The following ANKRD30A variants were observed in gnomAD, a reference collection of about 807,000 sequenced individuals.
ANKRD30A encodes ankyrin repeat domain-containing protein 30A.
In ANKRD30A, 170 loss-of-function variants were observed where a neutral mutation model predicts 166.3. The observed-to-expected ratio is 1.02, with a 90% CI of 0.90 to 1.16. The LOEUF (loss-of-function observed/expected upper bound fraction) is 1.16, where lower values mean the gene tolerates loss of function less well. Ranked by LOEUF, ANKRD30A falls within the 50% of genes most tolerant of loss-of-function variation. ANKRD30A has a pLI of 0.00. For missense variants in ANKRD30A, 1,630 were observed against 1,518.0 expected (o/e 1.07, Z -1.23); for synonymous variants, 564 against 508.9 (o/e 1.11, Z -1.46).
At chr10:37,243,081 T>C in the ANKRD30A span, among the ~76,000 whole-genome samples, 1 of 152,172 alleles carries the variant, frequency 6.6e-6, no homozygotes, top group Admixed American at 6.5e-5. Flanking sequence ...GTTTGCTATT[T>C]CTAGGTTATT....
chr10:37,233,369 G>A (rs140361286), downstream of ANKRD30A, among the ~76,000 whole-genome samples: 308 of 152,206 alleles, frequency 2.0e-3, no homozygotes, highest in Non-Finnish European at 3.6e-3. Context: ...ACTGTGAAGT[G>A]TTAGTCATGA....
chr10:37,213,585 G>A (rs902896778), intron 31 of ANKRD30A, among the ~76,000 whole-genome samples: 2 of 145,142 alleles, frequency 1.4e-5, no homozygotes, highest in African/African-American at 2.5e-5. Flanking sequence ...GTTTCTTAAG[G>A]TAAAAGTCAA....
intron 15 of ANKRD30A, among the ~76,000 whole-genome samples, chr10:37,159,721 G>C (rs977902191): frequency 2.6e-5 from 4 of 151,432 alleles, no homozygotes; most frequent in African/African-American, 7.3e-5. Flanking sequence ...TTTTGTTTTT[G>C]TTTTTTTGAG....
chr10:37,129,841 T>A, intron 1 of ANKRD30A, 52 bp from the exon 2 acceptor site: 1 of 1,081,130 alleles, frequency 9.2e-7, no homozygotes, highest in Non-Finnish European at 1.2e-6. Flanking sequence ...ACTCATTGTA[T>A]GTTTTGGGAC....
At chr10:37,243,037 GATAAA>G in the ANKRD30A span, among the ~76,000 whole-genome samples, 3 of 151,930 alleles carry the variant, frequency 2.0e-5, no homozygotes, top group East Asian at 5.8e-4. Flanking sequence ...TGGTAGCAAT[GATAAA>G]ATAGACTAGT....
intron 29 of ANKRD30A, among the ~76,000 whole-genome samples, chr10:37,198,015 C>A (rs1841294047): frequency 6.6e-6 from 1 of 151,676 alleles, no homozygotes; most frequent in Non-Finnish European, 1.5e-5. Context: ...GTAACTTTAC[C>A]TTGTGAAGAT....
Position 37,199,725 on chromosome 10 carries a change from A to T in ANKRD30A, c.2717-2A>T. On this transcript the variant is annotated splice_acceptor_variant, in intron 29 of 35. Transcript: ENST00000361713. LOFTEE classifies it high-confidence loss of function. ...AATGTATCTGTGATTAACCTTTTAT[A>T]GATCAGATGTTCCCTTCAGAATCAA... The T allele has an allele frequency of 1.3e-6, 2 of 1,563,986 alleles. No individual in the cohort carries two copies. Among genetic ancestry groups the T allele is most frequent in the Non-Finnish European group, 1.8e-6 (2 of 1,140,560 alleles).
At chr10:37,243,829 TA>T in the ANKRD30A span, among the ~76,000 whole-genome samples, 6 of 152,110 alleles carry the variant, frequency 3.9e-5, no homozygotes, top group African/African-American at 1.4e-4. Flanking sequence ...AATAAGTAGA[TA>T]TTTTTTCTCA....
chr10:37,132,248 C>A lies in ANKRD30A; in HGVS notation c.519C>A (p.Leu173=). ...AVIEVHNKAS[L]TPLLLSITKR... ...GTTTTGCTATTTTACAGGCTAGCCT[C>A]ACACCACTTTTACTATCCATAACGA... Residue 173 remains leucine, a synonymous_variant, in exon 4 of 36, where the codon CTC becomes CTA. Coordinates refer to ENST00000361713, the MANE Select transcript of ANKRD30A (RefSeq NM_052997.3). 1 of 1,587,758 alleles carries A rather than the reference C, an allele frequency of 6.3e-7. No individual in the cohort carries two copies. Among genetic ancestry groups the A allele is most frequent in the Non-Finnish European group, 8.6e-7 (1 of 1,169,402 alleles).
At chr10:37,155,297 T>C (rs117484651) in intron 13 of ANKRD30A, among the ~76,000 whole-genome samples, 9,374 of 152,262 alleles carry the variant, frequency 0.062, 401 homozygotes, top group Middle Eastern at 0.11. Context: ...TCAAGAAATA[T>C]TGAGATGGCT....
chr10:37,201,625 G>A (rs543035585), intron 31 of ANKRD30A, among the ~76,000 whole-genome samples: 118 of 152,146 alleles, frequency 7.8e-4, no homozygotes, highest in African/African-American at 2.7e-3. Context: ...GAAAGACAGA[G>A]CGTACAGAGA....
At chr10:37,261,526 C>T in the ANKRD30A span, among the ~76,000 whole-genome samples, 1 of 152,092 alleles carries the variant, frequency 6.6e-6, no homozygotes, top group Non-Finnish European at 1.5e-5. Context: ...TCAATGTTGG[C>T]ATTTTATAAA....
chr10:37,178,079 C>G (rs1453125735), intron 24 of ANKRD30A, among the ~76,000 whole-genome samples: 9 of 151,228 alleles, frequency 6.0e-5, no homozygotes, highest in Admixed American at 6.6e-5. Context: ...CATGAAGGAA[C>G]AAGAAACAGG....
At chr10:37,159,631 G>A (rs1838683641) in intron 15 of ANKRD30A, among the ~76,000 whole-genome samples, 1 of 151,916 alleles carries the variant, frequency 6.6e-6, no homozygotes, top group Admixed American at 6.6e-5. Context: ...TGTCTTATAG[G>A]CTATATGTAG....
chr10:37,255,353 T>C, the ANKRD30A span, among the ~76,000 whole-genome samples: 2 of 152,066 alleles, frequency 1.3e-5, no homozygotes, highest in African/African-American at 4.8e-5. Flanking sequence ...AAAGCCCAGA[T>C]TTCACTCCTA....
At position 37,162,802 on chromosome 10, in the gene ANKRD30A, C is replaced by T. The variant is rs41276126; in HGVS notation, c.1956C>T (p.Val652=). ...CTGCCACTGAAATGCAAAAGTCTGT[C>T]CCAAATAAAGCCTTGGAATTGAAAA... ...FEPATEMQKS[V]PNKALELKNE... is the part of the protein sequence containing the mutation. The change falls in exon 17 of 36, where the codon GTC becomes GTT. Residue 652 remains valine (V), a synonymous_variant. Transcript: ENST00000361713. 11,012 of 1,613,476 alleles carry T rather than the reference C, an allele frequency of 6.8e-3. 46 individuals are homozygous for T. The highest frequency in any genetic ancestry group is 0.011 in the Middle Eastern group (65 of 6,012).
At chr10:37,130,479 G>A (rs1483804502) in intron 3 of ANKRD30A, 101 bp downstream of exon 3, 1 of 924,476 alleles carries the variant, frequency 1.1e-6, no homozygotes, top group African/African-American at 1.7e-5. Context: ...AACATTCCTT[G>A]AATGAAAATA....
chr10:37,207,391 A>G (rs1435254009), intron 31 of ANKRD30A, among the ~76,000 whole-genome samples: 2 of 152,192 alleles, frequency 1.3e-5, no homozygotes, highest in Non-Finnish European at 2.9e-5. Flanking sequence ...TGTGAGATTC[A>G]TAGATGCCAT....
At chr10:37,167,687 C>G (rs1612866) in intron 19 of ANKRD30A, among the ~76,000 whole-genome samples, 44 of 150,908 alleles carry the variant, frequency 2.9e-4, no homozygotes, top group Middle Eastern at 3.4e-3. Flanking sequence ...ATTGAGATGA[C>G]TAAGCTAGAA....
Sources: allele counts gnomAD v4.1 joint callset (sites outside exome capture counted in the v4.1 genomes callset), GRCh38; gene constraint gnomAD v4.1.1; transcripts MANE v1.5; gene names NCBI Gene and HGNC (gene_info 2026-07-23, HGNC 2026-07-21).